The following NFASC variants were observed in gnomAD, a reference collection of about 807,000 sequenced individuals.
The protein encoded by NFASC is neurofascin homolog.
Under a neutral mutation model 147.5 loss-of-function variants are expected in NFASC, and 43 were observed. That is an observed-to-expected ratio of 0.29 (90% CI 0.23 to 0.38). The LOEUF is 0.38. Among genes scored for constraint, NFASC ranks in the 10% least tolerant of loss-of-function variants. The pLI, the probability that NFASC is intolerant of heterozygous loss-of-function variation, is 1.00. For missense variants in NFASC, 1,320 were observed against 1,689.0 expected (o/e 0.78, Z 3.83); for synonymous variants, 622 against 665.5 (o/e 0.93, Z 1.01).
At chr1:204,944,472 G>GGGGGGGGA in intron 3 of NFASC, 66 bp downstream of exon 3, 1 of 402,576 alleles carries the variant, frequency 2.5e-6, no homozygotes. Context: ...GGAGGGGAGG[G>GGGGGGGGA]AAGGTCAGAG....
At chr1:205,008,387 T>G (rs922031742) in intron 27 of NFASC, 3 of 152,882 alleles carry the variant, frequency 2.0e-5, no homozygotes, top group Admixed American at 6.5e-5. Flanking sequence ...TGGCGCCAGC[T>G]CCATGGTTCT....
In NFASC at chr1:204,974,662, A is replaced by C; in HGVS notation, c.1397A>C (p.Lys466Thr). The change falls in exon 14 of 30, where the codon AAG becomes ACG. Residue 466 changes from lysine to threonine, a missense_variant. Transcript: ENST00000339876. ...TTCTGCTGCTCTGTTGTGAGGTTTA[A>C]GAATGGGCAAGGAAGCAACCTGGAT... ...GSPIPTLRWFKNGQGSNLDGG... is the reference protein window; with the variant it reads ...GSPIPTLRWFTNGQGSNLDGG... 6.2e-7 allele frequency: 1 copy of C among 1,614,226 alleles called. No individual in the cohort carries two copies.
chr1:204,861,868 A>G (rs1268523800), intron 1 of NFASC, among the ~76,000 whole-genome samples: 2 of 152,208 alleles, frequency 1.3e-5, no homozygotes, highest in Non-Finnish European at 2.9e-5. Context: ...CTCCAGACTC[A>G]TGAACTTTGG....
intron 1 of NFASC, among the ~76,000 whole-genome samples, chr1:204,833,207 C>A (rs895227250): frequency 6.6e-6 from 1 of 152,224 alleles, no homozygotes; most frequent in Non-Finnish European, 1.5e-5. Context: ...TTATCGAGTT[C>A]TTTCTATGTG....
At chr1:204,957,537 T>C in intron 7 of NFASC, 119 bp from the exon 8 acceptor site, 1 of 822,000 alleles carries the variant, frequency 1.2e-6, no homozygotes, top group Non-Finnish European at 2.0e-6. Flanking sequence ...TTAGACCAAG[T>C]AATGTCAAGC....
intron 5 of NFASC, among the ~76,000 whole-genome samples, chr1:204,953,120 A>G (rs2094221376): frequency 6.6e-6 from 1 of 152,208 alleles, no homozygotes; most frequent in African/African-American, 2.4e-5. Flanking sequence ...CTGCTGTTCC[A>G]GCTGCTCCTG....
At chr1:204,882,101 C>T (rs914809156) in intron 1 of NFASC, among the ~76,000 whole-genome samples, 1 of 152,164 alleles carries the variant, frequency 6.6e-6, no homozygotes, top group African/African-American at 2.4e-5. Context: ...TCTCTCTCCC[C>T]GACTGAAAGA....
chr1:204,939,567 G>T (rs754260083), intron 2 of NFASC, among the ~76,000 whole-genome samples: 1 of 152,226 alleles, frequency 6.6e-6, no homozygotes, highest in Non-Finnish European at 1.5e-5. Flanking sequence ...GGAGTTTCCT[G>T]GTCCTCCCTG....
At chr1:204,858,413 G>A (rs1031452509) in intron 1 of NFASC, among the ~76,000 whole-genome samples, 4 of 152,166 alleles carry the variant, frequency 2.6e-5, no homozygotes, top group African/African-American at 9.7e-5. Flanking sequence ...GAGAGGCCTT[G>A]TGGTTCCTCT....
intron 1 of NFASC, among the ~76,000 whole-genome samples, chr1:204,874,237 C>A (rs989992346): frequency 1.3e-5 from 2 of 152,214 alleles, no homozygotes; most frequent in African/African-American, 2.4e-5. Flanking sequence ...TGCCGCTGGG[C>A]TTGGCTCAGG....
At chr1:204,993,543 G>C (rs1232666290) in intron 24 of NFASC, among the ~76,000 whole-genome samples, 1 of 152,208 alleles carries the variant, frequency 6.6e-6, no homozygotes, top group African/African-American at 2.4e-5. Flanking sequence ...CAGCCAGGGT[G>C]CCTTCCAGTG....
chr1:204,869,373 T>C (rs531142982), intron 1 of NFASC, among the ~76,000 whole-genome samples: 79 of 152,210 alleles, frequency 5.2e-4, no homozygotes, highest in Non-Finnish European at 9.1e-4. Context: ...AAAAGATAAA[T>C]AAACACAAAG....
Position 204,979,250 on chromosome 1 carries a change from C to T in NFASC, c.1979-112C>T. The T allele has an allele frequency of 9.5e-7, 1 of 1,054,448 alleles. No individual in the cohort carries two copies. The highest frequency in any genetic ancestry group is 1.5e-6 in the Non-Finnish European group (1 of 684,546). 65.3% of individuals were successfully genotyped at this position (1,054,448 alleles called of 1,614,324 possible). Reference sequence around the variant, plus strand: ...GCCTTGGGAAGAATTCTCCTTGTGCCTTTGTGTGAGAGAGATTATAAAGAT... The same window carrying T: ...GCCTTGGGAAGAATTCTCCTTGTGCTTTTGTGTGAGAGAGATTATAAAGAT... On this transcript the variant is annotated intron_variant, in intron 18 of 29. Transcript: ENST00000339876. The surrounding 1 kb of genome is among the most constrained non-coding windows in gnomAD (Gnocchi z 6.0).
intron 1 of NFASC, among the ~76,000 whole-genome samples, chr1:204,860,403 G>A (rs945559847): frequency 6.6e-6 from 1 of 152,136 alleles, no homozygotes; most frequent in Non-Finnish European, 1.5e-5. Flanking sequence ...TGGAGTGTGG[G>A]CCAGTGTCCC....
At chr1:204,924,840 G>A (rs2091195864) in intron 2 of NFASC, among the ~76,000 whole-genome samples, 1 of 152,152 alleles carries the variant, frequency 6.6e-6, no homozygotes, top group Non-Finnish European at 1.5e-5. Flanking sequence ...GTAACTTGGG[G>A]GAGAGGAGAA....
At chr1:204,991,181 T>G in intron 23 of NFASC, 111 bp from the exon 24 acceptor site, 2 of 1,326,622 alleles carry the variant, frequency 1.5e-6, no homozygotes, top group Non-Finnish European at 2.1e-6. Context: ...AGGTTTGGGC[T>G]GGAACCTTCC....
intron 21 of NFASC, 79 bp downstream of exon 21, chr1:204,982,099 C>A: frequency 1.0e-6 from 1 of 985,936 alleles, no homozygotes; most frequent in Non-Finnish European, 1.4e-6. Context: ...GGCCAGGAAC[C>A]TTGGGGTGGG....
chr1:204,932,589 G>A (rs1041460230), intron 2 of NFASC, among the ~76,000 whole-genome samples: 1 of 152,120 alleles, frequency 6.6e-6, no homozygotes, highest in Non-Finnish European at 1.5e-5. Flanking sequence ...CAGCCTCTGG[G>A]CCAGGTCCAG....
intron 1 of NFASC, among the ~76,000 whole-genome samples, chr1:204,869,815 T>A (rs781778392): frequency 6.6e-6 from 1 of 152,172 alleles, no homozygotes; most frequent in Non-Finnish European, 1.5e-5. Context: ...GTGCCATAGT[T>A]TGTTTATCAT....
Sources: allele counts gnomAD v4.1 joint callset (sites outside exome capture counted in the v4.1 genomes callset), GRCh38; gene constraint gnomAD v4.1.1; non-coding constraint Gnocchi (gnomAD v3.1); transcripts MANE v1.5; gene names NCBI Gene and HGNC (gene_info 2026-07-23, HGNC 2026-07-21).